The following HIGD1C variants were observed in gnomAD, a reference collection of about 807,000 sequenced individuals.
The protein encoded by HIGD1C is HIG1 domain family member 1C.
HIGD1C carries 11 observed loss-of-function variants against 13.1 expected under a neutral mutation model. The observed-to-expected ratio is 0.84, with a 90% CI of 0.53 to 1.39. The LOEUF (loss-of-function observed/expected upper bound fraction) is 1.39. Among genes scored for constraint, HIGD1C ranks in the 40% most tolerant of loss-of-function variants. The pLI, the probability that HIGD1C is intolerant of heterozygous loss-of-function variation, is 0.00. For missense variants in HIGD1C, 110 were observed against 112.0 expected, an observed-to-expected ratio of 0.98 and a Z score of 0.08; for synonymous variants, 36 against 37.7, an observed-to-expected ratio of 0.95 and a Z score of 0.17.
At chr12:50,969,702 C>CAAAA (rs757808017) in intron 2 of HIGD1C, among the ~76,000 whole-genome samples, 1 of 112,752 alleles carries the variant, frequency 8.9e-6, no homozygotes. Context: ...GACTCCATCT[C>CAAAA]AAAAAAAAAA....
chr12:50,937,709 A>T, the HIGD1C span, among the ~76,000 whole-genome samples: 1 of 152,198 alleles, frequency 6.6e-6, no homozygotes, highest in Non-Finnish European at 1.5e-5. Flanking sequence ...TCACTGAGCC[A>T]CAGAACAGCT....
chr12:50,942,958 CA>C, the HIGD1C span, among the ~76,000 whole-genome samples: 1 of 151,592 alleles, frequency 6.6e-6, no homozygotes, highest in African/African-American at 2.4e-5. Context: ...CTCAGCCTCC[CA>C]GGTTCAAGCA....
the HIGD1C span, among the ~76,000 whole-genome samples, chr12:50,932,877 G>A: frequency 6.6e-6 from 1 of 152,190 alleles, no homozygotes; most frequent in African/African-American, 2.4e-5. Flanking sequence ...TGCTTCCTAA[G>A]CTCTGGAACA....
chr12:50,969,794 T>C (rs960496851), intron 2 of HIGD1C, among the ~76,000 whole-genome samples: 1 of 152,166 alleles, frequency 6.6e-6, no homozygotes, highest in Admixed American at 6.5e-5. Context: ...CAAGATCTGA[T>C]GCCTTGATAA....
chr12:50,937,406 C>T, the HIGD1C span, among the ~76,000 whole-genome samples: 1 of 152,230 alleles, frequency 6.6e-6, no homozygotes, highest in African/African-American at 2.4e-5. Flanking sequence ...AACTTGGAGG[C>T]ACCATTGACC....
chr12:50,946,436 T>G, the HIGD1C span, among the ~76,000 whole-genome samples: 1 of 152,188 alleles, frequency 6.6e-6, no homozygotes, highest in Admixed American at 6.5e-5. Context: ...GAACAGACAC[T>G]TCTCAAAAGA....
downstream of HIGD1C, among the ~76,000 whole-genome samples, chr12:50,971,506 G>A (rs543257163): frequency 1.1e-3 from 168 of 152,308 alleles, no homozygotes; most frequent in African/African-American, 3.8e-3. Context: ...ATTTAGTCCA[G>A]AAGTGCTAAT....
chr12:50,953,486 T>A (rs1263681795), upstream of HIGD1C, among the ~76,000 whole-genome samples: 3 of 152,232 alleles, frequency 2.0e-5, no homozygotes, highest in Admixed American at 1.3e-4. Context: ...TGGCACACAG[T>A]AGGTGCTTGG....
intron 1 of HIGD1C, among the ~76,000 whole-genome samples, chr12:50,958,561 G>A (rs1413723628): frequency 4.0e-5 from 6 of 151,694 alleles, no homozygotes; most frequent in African/African-American, 9.7e-5. Flanking sequence ...GATTACAGGC[G>A]TGAGCCACCG....
At chr12:50,941,987 C>A in the HIGD1C span, among the ~76,000 whole-genome samples, 1 of 152,176 alleles carries the variant, frequency 6.6e-6, no homozygotes, top group African/African-American at 2.4e-5. Context: ...CCTCCAGGCT[C>A]AAGGGATGCT....
chr12:50,970,096 G>C (rs978090319), intron 2 of HIGD1C, among the ~76,000 whole-genome samples: 2 of 152,096 alleles, frequency 1.3e-5, no homozygotes, highest in Admixed American at 1.3e-4. Context: ...TCGGGATACT[G>C]AGTACAAGTA....
At chr12:50,952,200 A>T (rs1938922881), upstream of HIGD1C, among the ~76,000 whole-genome samples, 1 of 152,050 alleles carries the variant, frequency 6.6e-6, no homozygotes, top group Admixed American at 6.6e-5. Context: ...TATATAATAA[A>T]AGAATGCCCC....
At chr12:50,953,264 T>C (rs1938964499), upstream of HIGD1C, among the ~76,000 whole-genome samples, 2 of 152,216 alleles carry the variant, frequency 1.3e-5, no homozygotes. Flanking sequence ...CCACAGGTAT[T>C]GTGCTTCTTA....
At chr12:50,966,373 T>C (rs778240952) in intron 2 of HIGD1C, among the ~76,000 whole-genome samples, 1 of 152,214 alleles carries the variant, frequency 6.6e-6, no homozygotes, top group Non-Finnish European at 1.5e-5. Flanking sequence ...CCTACCTCTG[T>C]GGCAGTTTCT....
chr12:50,966,792 C>T (rs1939556391), intron 2 of HIGD1C, among the ~76,000 whole-genome samples: 1 of 146,220 alleles, frequency 6.8e-6, no homozygotes, highest in Non-Finnish European at 1.5e-5. Context: ...TGTCCCACTC[C>T]TTCTAAAGCA....
At chr12:50,934,426 T>G in the HIGD1C span, among the ~76,000 whole-genome samples, 1 of 152,220 alleles carries the variant, frequency 6.6e-6, no homozygotes, top group East Asian at 1.9e-4. Context: ...AATGAAGCAA[T>G]GCACTTGGCA....
chr12:50,951,641 G>T (rs1318966701), upstream of HIGD1C, among the ~76,000 whole-genome samples: 1 of 152,106 alleles, frequency 6.6e-6, no homozygotes, highest in Non-Finnish European at 1.5e-5. Context: ...AAGGTCGGCT[G>T]GGCGCGGTGG....
chr12:50,971,174 C>A (rs183760631), downstream of HIGD1C, among the ~76,000 whole-genome samples: 4 of 149,388 alleles, frequency 2.7e-5, no homozygotes, highest in Non-Finnish European at 6.0e-5. Flanking sequence ...GCCACGGCGC[C>A]GAGCCACAGA....
chr12:50,958,467 G>C (rs1272492989), intron 1 of HIGD1C, among the ~76,000 whole-genome samples: 2 of 151,118 alleles, frequency 1.3e-5, no homozygotes, highest in African/African-American at 4.9e-5. Context: ...ATTTTTAGTA[G>C]AGATGGGGTT....
Sources: allele counts gnomAD v4.1 joint callset (sites outside exome capture counted in the v4.1 genomes callset), GRCh38; gene constraint gnomAD v4.1.1; transcripts MANE v1.5; gene names NCBI Gene and HGNC (gene_info 2026-07-23, HGNC 2026-07-21).